Variants in GRM4 observed in about 807,000 individuals in gnomAD.
GRM4 encodes glutamate metabotropic receptor 4, also known as metabotropic glutamate receptor 4.
A neutral mutation model predicts 81.7 loss-of-function variants in GRM4; 28 were observed. That is an observed-to-expected ratio of 0.34 (90% CI 0.25 to 0.47). The LOEUF is 0.47. GRM4 is among the 20% of genes least tolerant of loss of function. The pLI, the probability that GRM4 is intolerant of heterozygous loss-of-function variation, is 1.00. For missense variants in GRM4, 948 were observed against 1,290.0 expected, an observed-to-expected ratio of 0.73 and a Z score of 4.06; for synonymous variants, 488 against 528.8, an observed-to-expected ratio of 0.92 and a Z score of 1.06.
intron 2 of GRM4, among the ~76,000 whole-genome samples, chr6:34,094,886 A>T (rs575882537): frequency 5.9e-5 from 9 of 152,248 alleles, no homozygotes; most frequent in Non-Finnish European, 1.2e-4. Context: ...ACTCATCCCT[A>T]TTCCTCCTTC....
Position 34,056,592 on chromosome 6 carries a change from G to A in GRM4, c.1120C>T (p.Leu374=). The A allele has an allele frequency of 6.2e-7, 1 of 1,613,458 alleles. No individual in the cohort carries two copies. Among genetic ancestry groups the A allele is most frequent in the East Asian group, 2.2e-5 (1 of 44,880 alleles). ...CCCTTCTTGAGGGCGTGGCGGCTCA[G>A]CTTGCAGTGGAAGTTGTCCTCCCAG... is the stretch of plus-strand genomic sequence containing the variant. ...EFWEDNFHCK[L]SRHALKKGSH... The change falls in exon 6 of 11, where the codon CTG becomes TTG. Residue 374 remains leucine (L), a synonymous_variant. Transcript: ENST00000538487.
intron 1 of GRM4, among the ~76,000 whole-genome samples, chr6:34,142,379 G>T (rs1770728431): frequency 6.6e-6 from 1 of 152,232 alleles, no homozygotes; most frequent in Admixed American, 6.5e-5. Flanking sequence ...TTGGGTTCTA[G>T]ACCGAGCAGA....
intron 5 of GRM4, 124 bp downstream of exon 5, chr6:34,058,849 TG>T: frequency 1.3e-6 from 1 of 743,248 alleles, no homozygotes; most frequent in Admixed American, 2.6e-5. Flanking sequence ...TAAGAGGCTG[TG>T]GGCCAAGGAA....
intron 2 of GRM4, among the ~76,000 whole-genome samples, chr6:34,119,070 T>A (rs1769702313): frequency 6.6e-6 from 1 of 152,158 alleles, no homozygotes; most frequent in Non-Finnish European, 1.5e-5. Context: ...ATGTGATTCA[T>A]CCCTCTAGAT....
chr6:34,038,689 C>G (rs1019900330), intron 8 of GRM4, among the ~76,000 whole-genome samples: 4 of 151,550 alleles, frequency 2.6e-5, no homozygotes, highest in South Asian at 2.1e-4. Context: ...CACCTCCCCC[C>G]ACCACCTCAG....
chr6:34,106,164 C>T (rs1769116463), intron 2 of GRM4, among the ~76,000 whole-genome samples: 1 of 152,148 alleles, frequency 6.6e-6, no homozygotes, highest in South Asian at 2.1e-4. Flanking sequence ...CCTGTAATCC[C>T]AGCACTTTGG....
intron 1 of GRM4, among the ~76,000 whole-genome samples, chr6:34,137,464 C>G (rs935610694): frequency 6.6e-6 from 1 of 152,264 alleles, no homozygotes; most frequent in African/African-American, 2.4e-5. Flanking sequence ...TTTCCCCAAC[C>G]AACAGTCAGG....
chr6:34,043,193 G>A (rs1390591599), intron 6 of GRM4, among the ~76,000 whole-genome samples: 2 of 152,188 alleles, frequency 1.3e-5, no homozygotes, highest in Non-Finnish European at 2.9e-5. Context: ...CTTGGGTCGT[G>A]TCTGCTAGCT....
chr6:34,077,047 C>T (rs1166244569), intron 3 of GRM4, among the ~76,000 whole-genome samples: 1 of 152,088 alleles, frequency 6.6e-6, no homozygotes, highest in African/African-American at 2.4e-5. Context: ...TGGGTAGCCT[C>T]TGCAAGTTTT....
Position 34,133,300 on chromosome 6 carries a change from G to A in GRM4, c.197C>T (p.Pro66Leu). Residue 66 changes from proline to leucine, a missense_variant, in exon 2 of 11, where the codon CCC becomes CTC. Physicochemically the swap from Pro to Leu is moderately conservative, Grantham distance 98. Transcript: ENST00000538487. This position sits in a 1 kb window ranked among gnomAD's most constrained non-coding sequence, Gnocchi z 6.5. ...CTTTTCCTTCTTAAGTTCTCCACAGGGCTTGCCCTCTGAGCCCCGGCCATG... is the reference window on the plus strand; with the variant it reads ...CTTTTCCTTCTTAAGTTCTCCACAGAGCTTGCCCTCTGAGCCCCGGCCATG... The part of the protein sequence containing the change: ...PVHGRGSEGK[P>L]CGELKKEKGI... The A allele has an allele frequency of 6.2e-7, 1 of 1,614,102 alleles. No homozygotes were observed. The highest frequency in any genetic ancestry group is 8.5e-7 in the Non-Finnish European group (1 of 1,180,008).
chr6:34,110,517 A>G, intron 2 of GRM4: 2 of 509,126 alleles, frequency 3.9e-6, no homozygotes, highest in Non-Finnish European at 7.0e-6. Flanking sequence ...CCCTCTGCCA[A>G]CTGGGCTTTT....
At chr6:34,058,868 G>T in intron 5 of GRM4, 106 bp downstream of exon 5, 2 of 866,674 alleles carry the variant, frequency 2.3e-6, no homozygotes, top group South Asian at 3.3e-5. Context: ...GAAGAGAAAA[G>T]GAAGGATATG....
In GRM4 at chr6:34,036,067, G is replaced by A. The variant is rs764687555; in HGVS notation, c.2043C>T (p.Phe681=). ...LTKTNRIYRI[F]EQGKRSVSAP... ...CACTGACCGAGCGCTTGCCCTGCTC[G>A]AAGATGCGGTAGATGCGGTTGGTCT... is the stretch of plus-strand genomic sequence containing the variant. Residue 681 remains phenylalanine, a synonymous_variant, in exon 9 of 11, where the codon TTC becomes TTT. Transcript: ENST00000538487. This position sits in a 1 kb window ranked among gnomAD's most constrained non-coding sequence, Gnocchi z 9.0. 2.5e-5 allele frequency: 40 copies of A among 1,614,082 alleles called. No homozygotes were observed. The South Asian group carries it at 3.0e-4, about 12-fold the overall frequency.
chr6:34,028,152 T>C lies in GRM4; in HGVS notation c.2657A>G (p.Lys886Arg). 6.2e-7 allele frequency: 1 copy of C among 1,613,880 alleles called. No homozygotes were observed. Among genetic ancestry groups the C allele is most frequent in the South Asian group, 1.1e-5 (1 of 91,062 alleles). Reference protein sequence around the residue: ...KGNFRPNGEAKSELCENLEAP... With the variant: ...KGNFRPNGEARSELCENLEAP... ...CTCAAGGTTCTCGCAGAGCTCAGAC[T>C]TGGCCTCTCCGTTGGGCCGGAAGTT... is the stretch of plus-strand genomic sequence containing the variant. Residue 886 changes from lysine to arginine, a missense_variant, in exon 10 of 11, where the codon AAG (lysine) becomes AGG (arginine). Physicochemically the swap from Lys to Arg is conservative, Grantham distance 26. Coordinates refer to ENST00000538487, the MANE Select transcript of GRM4 (RefSeq NM_000841.4).
chr6:34,073,373 C>G (rs1767126310), intron 3 of GRM4, among the ~76,000 whole-genome samples: 1 of 136,772 alleles, frequency 7.3e-6, no homozygotes, highest in African/African-American at 3.0e-5. Flanking sequence ...ACAGATAACA[C>G]CATACACATC....
In GRM4 at chr6:34,123,633, C is replaced by T. The variant is rs61557393; in HGVS notation, c.519+9345G>A. ...TTTGTTCCACACTCCACGGTCTACA[C>T]GCCAGGCACTGCCCTGGCCCTTGCT... On this transcript the variant is annotated intron_variant, in intron 2 of 10. Transcript: ENST00000538487. Among the ~76,000 whole-genome samples the T allele has an allele frequency of 4.4e-3, 671 of 152,336 alleles. 8 individuals carry two copies. The highest frequency in any genetic ancestry group is 0.015 in the African/African-American group (616 of 41,564).
chr6:34,140,423 T>C (rs1156583146), intron 1 of GRM4, among the ~76,000 whole-genome samples: 1 of 152,032 alleles, frequency 6.6e-6, no homozygotes, highest in Non-Finnish European at 1.5e-5. Flanking sequence ...ACAGAAGGGT[T>C]TGAGCACAGC....
At chr6:34,039,188 C>A (rs1399292610) in intron 8 of GRM4, among the ~76,000 whole-genome samples, 2 of 152,192 alleles carry the variant, frequency 1.3e-5, no homozygotes, top group African/African-American at 2.4e-5. Flanking sequence ...TTAGGAGAGT[C>A]CTTCTGCCTC....
At chr6:34,147,723 C>A (rs947286998), upstream of GRM4, among the ~76,000 whole-genome samples, 4 of 152,126 alleles carry the variant, frequency 2.6e-5, no homozygotes, top group African/African-American at 9.7e-5. Flanking sequence ...GATGGGTTTC[C>A]TTTTTCTGAT....
Sources: allele counts gnomAD v4.1 joint callset (sites outside exome capture counted in the v4.1 genomes callset), GRCh38; gene constraint gnomAD v4.1.1; non-coding constraint Gnocchi (gnomAD v3.1); transcripts MANE v1.5; gene names NCBI Gene and HGNC (gene_info 2026-07-23, HGNC 2026-07-21).